ARK2N: variants seen among roughly 807,000 people sequenced by gnomAD.
The protein encoded by ARK2N is arkadia (RNF111) N-terminal like PKA signaling regulator 2N.
the ARK2N span, among the ~76,000 whole-genome samples, chr18:46,219,495 G>A: frequency 1.4e-5 from 2 of 147,110 alleles, no homozygotes; most frequent in Non-Finnish European, 3.0e-5. Context: ...TTTTGAGACC[G>A]AGTCTTGCTC....
At chr18:46,188,739 G>A in the ARK2N span, among the ~76,000 whole-genome samples, 8 of 152,180 alleles carry the variant, frequency 5.3e-5, no homozygotes, top group African/African-American at 1.9e-4. Flanking sequence ...TTGGCTGGGC[G>A]CAGTGGCTCA....
chr18:46,233,191 C>G, the ARK2N span, among the ~76,000 whole-genome samples: 5 of 151,990 alleles, frequency 3.3e-5, no homozygotes, highest in East Asian at 9.7e-4. Flanking sequence ...CTAAACTGTC[C>G]TATTAAAAAT....
the ARK2N span, among the ~76,000 whole-genome samples, chr18:46,227,559 A>G: frequency 6.6e-6 from 1 of 152,132 alleles, no homozygotes. Context: ...ATAAGGATAC[A>G]TATATAAATA....
chr18:46,251,568 G>A, the ARK2N span, among the ~76,000 whole-genome samples: 31 of 152,020 alleles, frequency 2.0e-4, no homozygotes, highest in Admixed American at 6.6e-4. Flanking sequence ...ATTTTCAGTC[G>A]AAGAATAAAA....
chr18:46,194,596 C>T, the ARK2N span, among the ~76,000 whole-genome samples: 14 of 151,206 alleles, frequency 9.3e-5, no homozygotes, highest in South Asian at 2.9e-3. Context: ...GCCTCAGTCT[C>T]CTGAGTAGCT....
the ARK2N span, among the ~76,000 whole-genome samples, chr18:46,248,208 T>A: frequency 6.6e-6 from 1 of 152,190 alleles, no homozygotes; most frequent in Non-Finnish European, 1.5e-5. Flanking sequence ...TTATAAGTGA[T>A]CTGCATCCCA....
At chr18:46,192,064 C>T in the ARK2N span, among the ~76,000 whole-genome samples, 1 of 152,132 alleles carries the variant, frequency 6.6e-6, no homozygotes, top group Non-Finnish European at 1.5e-5. Flanking sequence ...GATAGTAAGT[C>T]GCTTCCAATT....
the ARK2N span, among the ~76,000 whole-genome samples, chr18:46,250,385 G>A: frequency 6.6e-6 from 1 of 151,732 alleles, no homozygotes; most frequent in East Asian, 1.9e-4. Flanking sequence ...GCACTGAATG[G>A]CACTGTAACT....
chr18:46,224,040 C>G, the ARK2N span, among the ~76,000 whole-genome samples: 1 of 152,060 alleles, frequency 6.6e-6, no homozygotes, highest in Non-Finnish European at 1.5e-5. Context: ...TAGCCTAGTT[C>G]AAGGATGAAA....
the ARK2N span, among the ~76,000 whole-genome samples, chr18:46,201,619 G>T: frequency 3.9e-5 from 6 of 151,974 alleles, no homozygotes; most frequent in Non-Finnish European, 7.4e-5. Flanking sequence ...AATTTTCTGA[G>T]TTCTGATCTC....
the ARK2N span, among the ~76,000 whole-genome samples, chr18:46,239,444 T>C: frequency 6.6e-6 from 1 of 152,218 alleles, no homozygotes; most frequent in Non-Finnish European, 1.5e-5. Flanking sequence ...GTGTATAACA[T>C]CCCTGTTTTT....
the ARK2N span, among the ~76,000 whole-genome samples, chr18:46,251,726 C>T: frequency 6.6e-6 from 1 of 152,186 alleles, no homozygotes; most frequent in African/African-American, 2.4e-5. Context: ...CAAGTTGCTA[C>T]ATAGCACTGT....
the ARK2N span, among the ~76,000 whole-genome samples, chr18:46,207,654 C>T: frequency 5.9e-5 from 9 of 152,198 alleles, no homozygotes; most frequent in African/African-American, 2.2e-4. Context: ...TCCCAAAGTG[C>T]TGGGATTACA....
chr18:46,247,814 G>A, the ARK2N span, among the ~76,000 whole-genome samples: 1 of 152,066 alleles, frequency 6.6e-6, no homozygotes, highest in Non-Finnish European at 1.5e-5. Flanking sequence ...TGGGACTACA[G>A]GGGCGTACCA....
chr18:46,255,512 C>T, the ARK2N span, among the ~76,000 whole-genome samples: 7 of 136,914 alleles, frequency 5.1e-5, no homozygotes, highest in Non-Finnish European at 9.0e-5. Flanking sequence ...AGTGCAATGG[C>T]ACGATCTTGG....
At chr18:46,263,063 C>A in the ARK2N span, 1 of 1,614,168 alleles carries the variant, frequency 6.2e-7, no homozygotes, top group Non-Finnish European at 8.5e-7. Flanking sequence ...GCTTCACCAG[C>A]AGAAGTTGTT....
chr18:46,262,426 C>G, the ARK2N span, among the ~76,000 whole-genome samples: 1 of 152,208 alleles, frequency 6.6e-6, no homozygotes, highest in South Asian at 2.1e-4. Flanking sequence ...TGATCTATTA[C>G]TTACAGACTT....
chr18:46,259,885 C>CTGTGTGTTGTGTGTGTGTGTGTGTGTG, the ARK2N span, among the ~76,000 whole-genome samples: 1 of 81,596 alleles, frequency 1.2e-5, no homozygotes, highest in Non-Finnish European at 2.5e-5. Flanking sequence ...ATCCTCCCGT[C>CTGTGTGTTGTGTGTGTGTGTGTGTGTG]TGTGTGTGTG....
At chr18:46,226,173 ATTAC>A in the ARK2N span, among the ~76,000 whole-genome samples, 3 of 152,202 alleles carry the variant, frequency 2.0e-5, no homozygotes, top group South Asian at 2.1e-4. Flanking sequence ...TATATTCCGT[ATTAC>A]TTGTATGCAG....
Sources: allele counts gnomAD v4.1 joint callset (sites outside exome capture counted in the v4.1 genomes callset), GRCh38; gene constraint gnomAD v4.1.1; transcripts MANE v1.5; gene names NCBI Gene and HGNC (gene_info 2026-07-23, HGNC 2026-07-21).